AK7: variants seen among roughly 807,000 people sequenced by gnomAD.
AK7 encodes ATP-AMP transphosphorylase 7.
A neutral mutation model predicts 96.6 loss-of-function variants in AK7; 78 were observed. The ratio of observed to expected loss-of-function variants is 0.81; its 90% CI spans 0.67 to 0.97. The LOEUF (loss-of-function observed/expected upper bound fraction) is 0.97. Ranked by LOEUF, AK7 falls within the 50% of genes least tolerant of loss-of-function variation. The pLI is 0.00. For synonymous variants in AK7, 302 were observed against 317.2 expected (o/e 0.95, Z 0.51); for missense variants, 855 against 887.9 (o/e 0.96, Z 0.47).
At chr14:96,417,786 C>G (rs2140031001) in intron 4 of AK7, among the ~76,000 whole-genome samples, 1 of 152,238 alleles carries the variant, frequency 6.6e-6, no homozygotes, top group East Asian at 1.9e-4. Flanking sequence ...ATTCACAACT[C>G]TGATATATCA....
chr14:96,437,712 C>A, intron 5 of AK7, 123 bp from the exon 6 acceptor site: 1 of 650,012 alleles, frequency 1.5e-6, no homozygotes, highest in Non-Finnish European at 2.6e-6. Context: ...CCGAACAATA[C>A]TCAGTAACCT....
intron 5 of AK7, chr14:96,423,992 T>C: frequency 2.3e-6 from 2 of 857,324 alleles, no homozygotes; most frequent in Non-Finnish European, 4.0e-6. Context: ...GGATCCTTCC[T>C]GCTTGGAGCA....
At position 96,442,807 on chromosome 14, in the gene AK7, T is replaced by C. The variant is rs749654662; in HGVS notation, c.768T>C (p.Leu256=). The C allele has an allele frequency of 6.2e-7, 1 of 1,613,966 alleles. No homozygotes were observed. Among genetic ancestry groups the C allele is most frequent in the Admixed American group, 1.7e-5 (1 of 60,022 alleles). ...ATGTAATTCCAACAATCCATGTTCT[T>C]GATCTAGCAGGGTAAGCATTCGCCC... ...GTNVIPTIHV[L]DLAGVIQNVI... Residue 256 remains leucine (L), a synonymous_variant, in exon 7 of 18, where the codon CTT becomes CTC. Coordinates refer to ENST00000267584, the MANE Select transcript of AK7 (RefSeq NM_152327.5).
chr14:96,413,932 C>A (rs1328709255), intron 4 of AK7, among the ~76,000 whole-genome samples: 1 of 152,204 alleles, frequency 6.6e-6, no homozygotes, highest in East Asian at 1.9e-4. Context: ...TATTCCCATT[C>A]CAGGGGAAAA....
intron 7 of AK7, 31 bp from the exon 8 acceptor site, chr14:96,446,485 CT>C: frequency 6.3e-7 from 1 of 1,596,670 alleles, no homozygotes; most frequent in Non-Finnish European, 8.6e-7. Context: ...CGCTTTTTCC[CT>C]TTGATGATTA....
At position 96,488,355 on chromosome 14, in the gene AK7, T is replaced by G. The variant is rs374759289; in HGVS notation, c.*12T>G. ...CTGAAGCACAGTGAAACTTGAAAGATCTGGTATTATCTACCTTTACAGAAC... is the reference window on the plus strand; with the variant it reads ...CTGAAGCACAGTGAAACTTGAAAGAGCTGGTATTATCTACCTTTACAGAAC... On this transcript the variant is annotated 3_prime_UTR_variant, in exon 18 of 18. Coordinates refer to ENST00000267584, the MANE Select transcript of AK7 (RefSeq NM_152327.5). The G allele has an allele frequency of 1.7e-5, 27 of 1,609,036 alleles. No homozygotes were observed. In the African/African-American group the frequency reaches 2.8e-4, roughly 17 times the overall value.
intron 10 of AK7, among the ~76,000 whole-genome samples, chr14:96,453,191 A>G (rs1893705579): frequency 6.6e-6 from 1 of 152,204 alleles, no homozygotes; most frequent in Non-Finnish European, 1.5e-5. Flanking sequence ...TTAAGCATCT[A>G]AGATCCTCAT....
intron 4 of AK7, 69 bp from the exon 5 acceptor site, chr14:96,420,753 T>C (rs908754041): frequency 9.0e-7 from 1 of 1,106,372 alleles, no homozygotes; most frequent in Non-Finnish European, 1.3e-6. Context: ...AAGGAACATA[T>C]CTTTAGCCTT....
At chr14:96,421,311 G>C (rs961097431) in intron 5 of AK7, 1 of 159,146 alleles carries the variant, frequency 6.3e-6, no homozygotes, top group Non-Finnish European at 1.4e-5. Flanking sequence ...TAAGGAGATG[G>C]GAGCTTCCAG....
intron 8 of AK7, among the ~76,000 whole-genome samples, chr14:96,449,443 T>C (rs1369019196): frequency 1.3e-5 from 2 of 152,180 alleles, no homozygotes; most frequent in Admixed American, 1.3e-4. Flanking sequence ...TGTTTGTTTG[T>C]TTGCTTTTGA....
At chr14:96,416,977 C>T (rs907358094) in intron 4 of AK7, among the ~76,000 whole-genome samples, 26 of 152,218 alleles carry the variant, frequency 1.7e-4, no homozygotes, top group Non-Finnish European at 2.9e-5. Flanking sequence ...AGAGATTGGC[C>T]ATCCAACCTA....
chr14:96,451,480 G>T lies in AK7; in HGVS notation c.1008G>T (p.Glu336Asp). The T allele has an allele frequency of 6.3e-7, 1 of 1,599,446 alleles. No individual in the cohort carries two copies. Among genetic ancestry groups the T allele is most frequent in the Non-Finnish European group, 8.5e-7 (1 of 1,171,922 alleles). ...NLRMEALFVK[E>D]NFNIRWAAQT... is the part of the protein sequence containing the mutation. ...GAATGGAAGCGCTCTTTGTGAAGGAGAATTTTAATATTCGATGGGCTGCCC... is the reference window on the plus strand; with the variant it reads ...GAATGGAAGCGCTCTTTGTGAAGGATAATTTTAATATTCGATGGGCTGCCC... Residue 336 changes from glutamate (E) to aspartate (D), a missense_variant, in exon 10 of 18, where the codon GAG becomes GAT. Coordinates refer to ENST00000267584, the MANE Select transcript of AK7 (RefSeq NM_152327.5).
At chr14:96,421,945 C>A (rs1027985843) in intron 5 of AK7, among the ~76,000 whole-genome samples, 35 of 152,136 alleles carry the variant, frequency 2.3e-4, no homozygotes, top group South Asian at 8.3e-4. Flanking sequence ...CAGCAGCCCG[C>A]AATGCAAAGG....
intron 1 of AK7, among the ~76,000 whole-genome samples, chr14:96,394,716 C>T (rs1396577002): frequency 1.2e-4 from 19 of 152,188 alleles, no homozygotes; most frequent in Admixed American, 1.2e-3. Context: ...TGGCTCATGC[C>T]TGTAATCCCA....
intron 14 of AK7, among the ~76,000 whole-genome samples, chr14:96,475,395 A>G (rs1018956048): frequency 1.3e-5 from 2 of 152,140 alleles, no homozygotes; most frequent in African/African-American, 4.8e-5. Flanking sequence ...AAAGGTCTAG[A>G]TCAATGCCGT....
chr14:96,444,716 C>CT (rs543549862), intron 7 of AK7, among the ~76,000 whole-genome samples: 125 of 144,700 alleles, frequency 8.6e-4, no homozygotes, highest in East Asian at 1.6e-3. Flanking sequence ...GTTATCTTTC[C>CT]TTTTTTTTTT....
chr14:96,461,316 T>G (rs1286727332), intron 12 of AK7, among the ~76,000 whole-genome samples: 2 of 152,178 alleles, frequency 1.3e-5, no homozygotes, highest in African/African-American at 4.8e-5. Context: ...GTTCTGATGC[T>G]TACCTTTTGG....
rs888511502 is a variant in AK7, at chr14:96,399,701, C to T, written c.294+1438C>T. ...GCTTCACAGCAGCAGCCTGGCTTCCCGAGAGAAACTCGCCTTCCCTTCTTG... is the reference window on the plus strand; with the variant it reads ...GCTTCACAGCAGCAGCCTGGCTTCCTGAGAGAAACTCGCCTTCCCTTCTTG... On this transcript the variant is annotated intron_variant, in intron 2 of 17. Coordinates refer to ENST00000267584, the MANE Select transcript of AK7 (RefSeq NM_152327.5). The surrounding 1 kb of genome is among the most constrained non-coding windows in gnomAD (Gnocchi z 4.1). Among the ~76,000 whole-genome samples the T allele has an allele frequency of 2.0e-5, 3 of 152,228 alleles. No homozygotes were observed. The highest frequency in any genetic ancestry group is 4.4e-5 in the Non-Finnish European group (3 of 68,044).
intron 5 of AK7, among the ~76,000 whole-genome samples, chr14:96,431,454 G>A (rs1023335765): frequency 9.9e-5 from 15 of 152,124 alleles, no homozygotes; most frequent in Non-Finnish European, 1.8e-4. Flanking sequence ...ATTCTGGTAC[G>A]TTGTGTCTTT....
Sources: gnomAD v4.1 joint callset for allele counts (sites outside exome capture counted in the v4.1 genomes callset) on GRCh38, gnomAD v4.1.1 for gene constraint, Gnocchi (gnomAD v3.1) non-coding constraint, MANE v1.5 for transcripts, NCBI Gene and HGNC (gene_info 2026-07-23, HGNC 2026-07-21) for gene names.